The following FARS2 variants were observed in gnomAD, a reference collection of about 807,000 sequenced individuals.
The protein encoded by FARS2 is phenylalanyl-tRNA synthetase 2, mitochondrial.
Under a neutral mutation model 46.4 loss-of-function variants are expected in FARS2, and 40 were observed. The ratio of observed to expected loss-of-function variants is 0.86; its 90% CI spans 0.67 to 1.12. The LOEUF is 1.12. Ranked by LOEUF, FARS2 falls within the 50% of genes most tolerant of loss-of-function variation. FARS2 has a pLI of 0.00. For synonymous variants in FARS2, 234 were observed against 214.9 expected (o/e 1.09, Z -0.78); for missense variants, 513 against 567.9 (o/e 0.90, Z 0.98).
intron 3 of FARS2, among the ~76,000 whole-genome samples, chr6:5,413,693 C>G (rs188025671): frequency 8.5e-5 from 13 of 152,306 alleles, no homozygotes; most frequent in African/African-American, 3.1e-4. Context: ...TTGATGAAAA[C>G]CTAGCCTTGA....
At chr6:5,571,061 C>T (rs923604138) in intron 5 of FARS2, among the ~76,000 whole-genome samples, 4 of 152,176 alleles carry the variant, frequency 2.6e-5, no homozygotes, top group Admixed American at 2.0e-4. Flanking sequence ...TTCACTCAAA[C>T]GGTTATTCAT....
At chr6:5,512,331 C>T (rs1314210987) in intron 4 of FARS2, among the ~76,000 whole-genome samples, 3 of 152,034 alleles carry the variant, frequency 2.0e-5, no homozygotes, top group Admixed American at 6.5e-5. Context: ...CCTGGTGCTA[C>T]CTCTATGCTA....
chr6:5,692,232 C>A (rs772521032), intron 6 of FARS2, among the ~76,000 whole-genome samples: 1 of 152,194 alleles, frequency 6.6e-6, no homozygotes, highest in Non-Finnish European at 1.5e-5. Context: ...TGAGATGAAC[C>A]CGGTACCTCA....
intron 4 of FARS2, among the ~76,000 whole-genome samples, chr6:5,515,590 A>C (rs1211409244): frequency 6.6e-6 from 1 of 152,008 alleles, no homozygotes; most frequent in Admixed American, 6.6e-5. Context: ...CAGCACGCCC[A>C]ACTAATTTTT....
chr6:5,292,469 A>T (rs112939719), intron 1 of FARS2, among the ~76,000 whole-genome samples: 1 of 152,162 alleles, frequency 6.6e-6, no homozygotes, highest in Non-Finnish European at 1.5e-5. Context: ...TGCCAGAGTG[A>T]TATGGGATTT....
chr6:5,734,461 G>T (rs575559588), intron 6 of FARS2, among the ~76,000 whole-genome samples: 51 of 152,232 alleles, frequency 3.4e-4, no homozygotes, highest in African/African-American at 1.2e-3. Context: ...GCATCTGTGG[G>T]CACCGTTTCA....
intron 4 of FARS2, among the ~76,000 whole-genome samples, chr6:5,520,120 C>T (rs1357526378): frequency 6.6e-6 from 1 of 152,130 alleles, no homozygotes; most frequent in Non-Finnish European, 1.5e-5. Context: ...GAACCTGCCG[C>T]ACCCTAGGGT....
At chr6:5,741,931 C>T (rs141181721) in intron 6 of FARS2, among the ~76,000 whole-genome samples, 1 of 152,338 alleles carries the variant, frequency 6.6e-6, no homozygotes, top group African/African-American at 2.4e-5. Context: ...GGATTACAGG[C>T]ATGAGCCACC....
At chr6:5,635,060 C>A (rs972993037) in intron 6 of FARS2, among the ~76,000 whole-genome samples, 45 of 152,210 alleles carry the variant, frequency 3.0e-4, no homozygotes, top group African/African-American at 1.1e-3. Flanking sequence ...GGCCGTGGAA[C>A]CATTCGAGCA....
At chr6:5,717,933 T>TGGAGAG (rs1554128878) in intron 6 of FARS2, among the ~76,000 whole-genome samples, 1 of 128,228 alleles carries the variant, frequency 7.8e-6, no homozygotes, top group Non-Finnish European at 1.6e-5. Context: ...TATATATATA[T>TGGAGAG]ATACAGAGTC....
In FARS2 at chr6:5,759,399, C is replaced by T. The variant is rs375302004; in HGVS notation, c.1218-11892C>T. Among the ~76,000 whole-genome samples, 5 of 152,268 alleles carry T rather than the reference C, an allele frequency of 3.3e-5. No homozygotes were observed. In the South Asian group the frequency reaches 8.3e-4, roughly 25 times the overall value. On this transcript the variant is annotated intron_variant, in intron 6 of 6. Transcript: ENST00000274680. ...TTGTAATTCTTTAACTAATGCGTGTCTCCTATGCTAGACTGTGGAATCTAC... is the reference window on the plus strand; with the variant it reads ...TTGTAATTCTTTAACTAATGCGTGTTTCCTATGCTAGACTGTGGAATCTAC...
intron 6 of FARS2, among the ~76,000 whole-genome samples, chr6:5,668,807 C>G (rs1778289792): frequency 6.6e-6 from 1 of 151,162 alleles, no homozygotes; most frequent in Non-Finnish European, 1.5e-5. Flanking sequence ...GATTTTCCTG[C>G]CTCAGCTTCC....
intron 1 of FARS2, among the ~76,000 whole-genome samples, chr6:5,309,575 A>T (rs1768948557): frequency 6.6e-6 from 1 of 152,212 alleles, no homozygotes; most frequent in African/African-American, 2.4e-5. Context: ...CCTAGTCAAT[A>T]AAATGTGTTT....
intron 1 of FARS2, among the ~76,000 whole-genome samples, chr6:5,366,120 G>T (rs536622127): frequency 3.9e-5 from 6 of 152,098 alleles, no homozygotes; most frequent in Non-Finnish European, 5.9e-5. Flanking sequence ...GTTGTTTGAG[G>T]GTCAGCTATA....
chr6:5,648,873 A>G (rs973255260), intron 6 of FARS2, among the ~76,000 whole-genome samples: 10 of 152,212 alleles, frequency 6.6e-5, no homozygotes, highest in African/African-American at 2.4e-4. Flanking sequence ...TCCATTGTGC[A>G]TGCTCCATCC....
intron 3 of FARS2, among the ~76,000 whole-genome samples, chr6:5,423,278 C>T (rs576254590): frequency 5.3e-5 from 8 of 152,014 alleles, no homozygotes; most frequent in East Asian, 3.9e-4. Flanking sequence ...ATAGAGAGCA[C>T]GGGAGTGATC....
chr6:5,736,524 C>T (rs1244781628), intron 6 of FARS2, among the ~76,000 whole-genome samples: 2 of 152,234 alleles, frequency 1.3e-5, no homozygotes, highest in Non-Finnish European at 2.9e-5. Context: ...ATAGGGCAAG[C>T]AGCCCTTCAG....
chr6:5,552,941 AACTTTAATTTAT>A (rs1389139718), intron 5 of FARS2, among the ~76,000 whole-genome samples: 2 of 152,218 alleles, frequency 1.3e-5, no homozygotes, highest in Non-Finnish European at 2.9e-5. Flanking sequence ...TCAATAATAA[AACTTTAATTTAT>A]ACTTTGTTTT....
At chr6:5,660,550 A>G (rs1312313635) in intron 6 of FARS2, among the ~76,000 whole-genome samples, 2 of 150,262 alleles carry the variant, frequency 1.3e-5, no homozygotes, top group African/African-American at 4.9e-5. Flanking sequence ...TGGGAGGCTG[A>G]GGTGGGGGGA....
Sources: gnomAD v4.1 joint callset for allele counts (sites outside exome capture counted in the v4.1 genomes callset) on GRCh38, gnomAD v4.1.1 for gene constraint, MANE v1.5 for transcripts, NCBI Gene and HGNC (gene_info 2026-07-23, HGNC 2026-07-21) for gene names.